UCHL3: variants seen among roughly 807,000 people sequenced by gnomAD.
UCHL3 encodes ubiquitin C-terminal hydrolase L3, also known as ubiquitin carboxyl-terminal hydrolase isozyme L3.
UCHL3 carries 22 observed loss-of-function variants against 35.8 expected under a neutral mutation model. The observed-to-expected ratio is 0.61, with a 90% CI of 0.44 to 0.88. The LOEUF (loss-of-function observed/expected upper bound fraction) is 0.88, where lower values mean the gene tolerates loss of function less well. Among genes scored for constraint, UCHL3 ranks in the 40% least tolerant of loss-of-function variants. The probability of loss-of-function intolerance (pLI) is 0.00; values close to 1 mark genes in which losing one functional copy is unlikely to be tolerated. For missense variants in UCHL3, 229 were observed against 276.9 expected (o/e 0.83, Z 1.23); for synonymous variants, 90 against 92.8 (o/e 0.97, Z 0.17).
chr13:75,570,934 G>T (rs2031835945), intron 6 of UCHL3, among the ~76,000 whole-genome samples: 2 of 152,000 alleles, frequency 1.3e-5, no homozygotes, highest in South Asian at 4.1e-4. Flanking sequence ...ATATATATTG[G>T]TTGCTCTAGG....
intron 6 of UCHL3, among the ~76,000 whole-genome samples, chr13:75,570,381 G>A (rs186427829): frequency 6.6e-5 from 10 of 152,044 alleles, no homozygotes; most frequent in Admixed American, 2.6e-4. Flanking sequence ...AACTACAGGC[G>A]CCCGCCACCA....
chr13:75,567,407 G>A, intron 5 of UCHL3, 95 bp downstream of exon 5: 1 of 1,105,638 alleles, frequency 9.0e-7, no homozygotes, highest in Non-Finnish European at 1.3e-6. Flanking sequence ...ATAGTTTTGA[G>A]CAATTATGGA....
chr13:75,587,180 G>A (rs1485640199), intron 6 of UCHL3, among the ~76,000 whole-genome samples: 1 of 151,944 alleles, frequency 6.6e-6, no homozygotes, highest in African/African-American at 2.4e-5. Flanking sequence ...TAAAAAGGAA[G>A]AAGTAAAGCA....
intron 3 of UCHL3, 35 bp from the exon 4 acceptor site, chr13:75,566,660 C>T: frequency 1.6e-6 from 2 of 1,258,472 alleles, no homozygotes; most frequent in South Asian, 2.4e-5. Context: ...ATGTTATTTT[C>T]CACAAATACA....
intron 2 of UCHL3, among the ~76,000 whole-genome samples, chr13:75,560,227 A>G (rs1002309950): frequency 9.8e-5 from 15 of 152,322 alleles, no homozygotes; most frequent in Admixed American, 2.6e-4. Flanking sequence ...AGGATAAACT[A>G]TGTTGATTTT....
chr13:75,555,537 A>C (rs2031266304), intron 2 of UCHL3, among the ~76,000 whole-genome samples: 1 of 152,150 alleles, frequency 6.6e-6, no homozygotes, highest in Non-Finnish European at 1.5e-5. Flanking sequence ...ATCTCCCAAC[A>C]TTATCTTTAA....
At chr13:75,550,375 A>G (rs535105760) in intron 2 of UCHL3, among the ~76,000 whole-genome samples, 20 of 152,178 alleles carry the variant, frequency 1.3e-4, no homozygotes, top group Admixed American at 3.3e-4. Flanking sequence ...CCTGACTCCA[A>G]GCTTTGTAAA....
intron 7 of UCHL3, among the ~76,000 whole-genome samples, chr13:75,596,734 G>A (rs527531906): frequency 9.2e-5 from 14 of 152,086 alleles, no homozygotes; most frequent in African/African-American, 3.4e-4. Flanking sequence ...AAAAAAACTC[G>A]GTTTTACTAG....
At chr13:75,558,410 A>G (rs1050125289) in intron 2 of UCHL3, among the ~76,000 whole-genome samples, 2 of 152,200 alleles carry the variant, frequency 1.3e-5, no homozygotes, top group Non-Finnish European at 2.9e-5. Context: ...CTTTCACTAA[A>G]ATATTCTAAC....
At chr13:75,594,073 A>G (rs1359135207) in intron 6 of UCHL3, among the ~76,000 whole-genome samples, 3 of 152,226 alleles carry the variant, frequency 2.0e-5, no homozygotes, top group Admixed American at 2.0e-4. Context: ...GCTAACTCAT[A>G]TTAATATTAG....
At chr13:75,572,070 C>A (rs1413323604) in intron 6 of UCHL3, among the ~76,000 whole-genome samples, 2 of 149,598 alleles carry the variant, frequency 1.3e-5, no homozygotes, top group African/African-American at 2.5e-5. Flanking sequence ...CCTTCCTTTT[C>A]TTTAACTTGT....
chr13:75,565,184 CACATT>C (rs1220588014), intron 3 of UCHL3, among the ~76,000 whole-genome samples: 5 of 151,878 alleles, frequency 3.3e-5, no homozygotes, highest in African/African-American at 1.2e-4. Context: ...ATTTTTCCTA[CACATT>C]ACATCTTGAA....
intron 6 of UCHL3, among the ~76,000 whole-genome samples, chr13:75,590,640 C>G (rs866932257): frequency 2.0e-4 from 30 of 152,076 alleles, no homozygotes; most frequent in Middle Eastern, 6.3e-3. Context: ...GGTGTTTCAT[C>G]TAAGCTATTA....
In UCHL3 at chr13:75,566,676, GA is replaced by G. The variant is rs770949650; in HGVS notation, c.184-18del. ...TGTTATTTTCCACAAATACACTGTT[GA>G]CTTTTTTTTTTTAATAGTATGAAGT... On this transcript the variant is annotated intron_variant, in intron 3 of 8. Transcript: ENST00000377595. 4.1e-6 allele frequency: 5 copies of G among 1,230,088 alleles called. No individual in the cohort carries two copies. In the African/African-American group the frequency reaches 1.0e-4, roughly 25 times the overall value. 76.2% of individuals were successfully genotyped at this position (1,230,088 alleles called of 1,614,324 possible).
rs2031634202 is a variant in UCHL3 at position 75,564,839 on chromosome 13, G to T, written c.184-1856G>T. 2.0e-5 allele frequency among the ~76,000 whole-genome samples: 3 copies of T among 151,964 alleles called. No homozygotes were observed. In the South Asian group the frequency reaches 6.2e-4, roughly 32 times the overall value. The stretch of plus-strand genomic sequence containing the variant: ...GTCTCTGGAGTAGCTGGGATTACAG[G>T]CATGTGCCACCACACCTGGCTAATT... On this transcript the variant is annotated intron_variant, in intron 3 of 8. Coordinates refer to ENST00000377595, the MANE Select transcript of UCHL3 (RefSeq NM_006002.5).
intron 6 of UCHL3, among the ~76,000 whole-genome samples, chr13:75,592,428 A>AAG (rs1555276715): frequency 1.4e-5 from 1 of 72,730 alleles, no homozygotes; most frequent in Non-Finnish European, 2.8e-5. Flanking sequence ...ATATATATAT[A>AAG]TATATATATA....
intron 7 of UCHL3, among the ~76,000 whole-genome samples, chr13:75,597,637 C>G (rs1426732023): frequency 6.6e-6 from 1 of 152,186 alleles, no homozygotes; most frequent in Non-Finnish European, 1.5e-5. Context: ...TATGCAAATA[C>G]TATACCATTT....
In UCHL3 at chr13:75,605,749, G is replaced by A. The variant is rs147520161; in HGVS notation, c.630G>A (p.Lys210=). ...CATAGGATGCCATAGAAGTTTGCAA[G>A]AAGTTTATGGAGCGCGACCCTGATG... The part of the protein sequence containing the change: ...TLLEDAIEVC[K]KFMERDPDEL... Residue 210 remains lysine (K), a synonymous_variant, in exon 9 of 9, where the codon AAG becomes AAA. Transcript: ENST00000377595. The A allele has an allele frequency of 1.9e-5, 30 of 1,613,754 alleles. No individual in the cohort carries two copies. The highest frequency in any genetic ancestry group is 2.5e-5 in the Non-Finnish European group (30 of 1,179,930).
At chr13:75,565,953 TTATACCC>T (rs1352851717) in intron 3 of UCHL3, among the ~76,000 whole-genome samples, 1 of 152,222 alleles carries the variant, frequency 6.6e-6, no homozygotes, top group Non-Finnish European at 1.5e-5. Flanking sequence ...ATGCTTATTA[TTATACCC>T]TATTGCTTTT....
Sources: gnomAD v4.1 joint callset for allele counts (sites outside exome capture counted in the v4.1 genomes callset) on GRCh38, gnomAD v4.1.1 for gene constraint, MANE v1.5 for transcripts, NCBI Gene and HGNC (gene_info 2026-07-23, HGNC 2026-07-21) for gene names.